Variants in TARS2 observed in about 807,000 individuals in gnomAD.
TARS2 encodes the protein threonine--tRNA ligase, mitochondrial.
TARS2 carries 61 observed loss-of-function variants against 94.4 expected under a neutral mutation model. The ratio of observed to expected loss-of-function variants is 0.65; its 90% CI spans 0.53 to 0.80. The LOEUF (loss-of-function observed/expected upper bound fraction) is 0.80, where lower values mean the gene tolerates loss of function less well. TARS2 is among the 30% of genes least tolerant of loss of function. The pLI, the probability that TARS2 is intolerant of heterozygous loss-of-function variation, is 0.00. For missense variants in TARS2, 704 were observed against 902.5 expected (o/e 0.78, Z 2.82); for synonymous variants, 359 against 353.4 (o/e 1.02, Z -0.18).
At chr1:150,502,753 A>G (rs1370671820) in intron 13 of TARS2, among the ~76,000 whole-genome samples, 1 of 152,056 alleles carries the variant, frequency 6.6e-6, no homozygotes, top group African/African-American at 2.4e-5. Flanking sequence ...TTCAGGTAAC[A>G]TGTGTATTCT....
At chr1:150,499,123 T>C (rs1010317804) in intron 12 of TARS2, 89 bp downstream of exon 12, 1 of 1,610,376 alleles carries the variant, frequency 6.2e-7, no homozygotes, top group Admixed American at 1.7e-5. Flanking sequence ...CTCAGAGGCA[T>C]CTGGTGAGTG....
chr1:150,499,689 C>T (rs1339299406), intron 13 of TARS2, among the ~76,000 whole-genome samples: 1 of 152,022 alleles, frequency 6.6e-6, no homozygotes. Flanking sequence ...TTTAAACTTA[C>T]GTAGGATATA....
chr1:150,490,436 T>TA (rs1669332659), intron 3 of TARS2, among the ~76,000 whole-genome samples, 165 bp from the exon 4 acceptor site: 1 of 152,114 alleles, frequency 6.6e-6, no homozygotes. Context: ...TTAAGCTTGT[T>TA]ACTTTTTAGT....
chr1:150,497,502 C>A, intron 9 of TARS2, 28 bp from the exon 10 acceptor site: 1 of 1,607,976 alleles, frequency 6.2e-7, no homozygotes, highest in Non-Finnish European at 8.5e-7. Flanking sequence ...GTTACTCTGA[C>A]CTTCCATGTC....
chr1:150,493,139 G>A lies in TARS2; in HGVS notation c.774+650G>A, dbSNP rs587627899. 1.9e-3 allele frequency among the ~76,000 whole-genome samples: 289 copies of A among 152,156 alleles called. 2 individuals are homozygous for A. The highest frequency in any genetic ancestry group is 6.7e-3 in the African/African-American group (280 of 41,542). ...CCTTCTCAGCCTCCCAAAGTGCTGG[G>A]ATTACAGGCATGAGCCACTGAGCCT... On this transcript the variant is annotated intron_variant, in intron 7 of 17. Transcript: ENST00000369064.
At chr1:150,503,351 AAG>A (rs1670005763) in intron 13 of TARS2, among the ~76,000 whole-genome samples, 1 of 152,018 alleles carries the variant, frequency 6.6e-6, no homozygotes, top group African/African-American at 2.4e-5. Flanking sequence ...GGGAGAGAAA[AAG>A]AGGAGTTAAA....
intron 13 of TARS2, 50 bp from the exon 14 acceptor site, chr1:150,504,285 C>A (rs1670095831): frequency 2.5e-6 from 4 of 1,582,418 alleles, no homozygotes; most frequent in Admixed American, 1.7e-5. Flanking sequence ...GATAGTGGTT[C>A]TGGATAGTGC....
chr1:150,499,129 G>A, intron 12 of TARS2, 87 bp from the exon 13 acceptor site: 2 of 1,609,776 alleles, frequency 1.2e-6, no homozygotes, highest in Non-Finnish European at 1.7e-6. Context: ...GGCATCTGGT[G>A]AGTGGGTCAT....
intron 3 of TARS2, among the ~76,000 whole-genome samples, chr1:150,489,612 C>G (rs871527): frequency 0.048 from 7,290 of 152,098 alleles, 440 homozygotes; most frequent in African/African-American, 0.13. Context: ...ACTAAAAGAC[C>G]AAACAGAGAC....
intron 16 of TARS2, 89 bp from the exon 17 acceptor site, chr1:150,505,502 T>C: frequency 6.1e-6 from 7 of 1,152,682 alleles, no homozygotes; most frequent in South Asian, 1.2e-5. Context: ...GAGGAACAGA[T>C]GGGGGCATTG....
At position 150,487,939 on chromosome 1, in the gene TARS2, T is replaced by C; in HGVS notation, c.148T>C (p.Leu50=). The C allele has an allele frequency of 1.2e-6, 2 of 1,613,938 alleles. No homozygotes were observed. Among genetic ancestry groups the C allele is most frequent in the Non-Finnish European group, 1.7e-6 (2 of 1,180,018 alleles). Residue 50 remains leucine (L), a synonymous_variant, in exon 2 of 18, where the codon TTA becomes CTA. Transcript: ENST00000369064. ...GCTGTGGGCTGCTCAGGTAAAGAGATTAGCAAGCATGGCACAGAAGGAACC... is the reference window on the plus strand; with the variant it reads ...GCTGTGGGCTGCTCAGGTAAAGAGACTAGCAAGCATGGCACAGAAGGAACC... ...EELWAAQVKR[L]ASMAQKEPRT... is the part of the protein sequence containing the mutation.
At chr1:150,502,311 T>A (rs587652833) in intron 13 of TARS2, among the ~76,000 whole-genome samples, 1 of 150,320 alleles carries the variant, frequency 6.7e-6, no homozygotes, top group Non-Finnish European at 1.5e-5. Context: ...AACCTCCACC[T>A]CCCAGGTTCA....
intron 6 of TARS2, 98 bp from the exon 7 acceptor site, chr1:150,492,313 T>C (rs750428831): frequency 7.6e-7 from 1 of 1,309,550 alleles, no homozygotes; most frequent in East Asian, 2.3e-5. Context: ...GGACAGTTCC[T>C]TTCTCTTCAC....
chr1:150,490,523 T>C (rs944674795), intron 3 of TARS2, 78 bp from the exon 4 acceptor site: 41 of 1,521,358 alleles, frequency 2.7e-5, no homozygotes, highest in Non-Finnish European at 3.0e-5. Flanking sequence ...CCTACCAGCT[T>C]TTGTGAGGAA....
chr1:150,505,944 G>A (rs1384105323), intron 17 of TARS2, among the ~76,000 whole-genome samples: 1 of 152,108 alleles, frequency 6.6e-6, no homozygotes, highest in Non-Finnish European at 1.5e-5. Context: ...CACTCTAGCT[G>A]TTGGTGTCTG....
intron 4 of TARS2, 34 bp from the exon 5 acceptor site, chr1:150,491,360 T>C (rs754600666): frequency 1.9e-6 from 3 of 1,609,768 alleles, no homozygotes; most frequent in Non-Finnish European, 2.5e-6. Context: ...ATGCACCTCA[T>C]AGGATGCAAC....
At chr1:150,499,370 G>C (rs587596308) in intron 13 of TARS2, 77 bp downstream of exon 13, 15 of 1,335,662 alleles carry the variant, frequency 1.1e-5, no homozygotes, top group Non-Finnish European at 1.4e-5. Flanking sequence ...TAGATACAAA[G>C]AATTTTTTTT....
rs772856402 is a variant in TARS2, at chr1:150,500,508, G to A, written c.1617+1215G>A. 2.7e-4 allele frequency among the ~76,000 whole-genome samples: 41 copies of A among 152,190 alleles called. 1 individual carries two copies. Among genetic ancestry groups the A allele is most frequent in the African/African-American group, 8.9e-4 (37 of 41,536 alleles). On this transcript the variant is annotated intron_variant, in intron 13 of 17. Coordinates refer to ENST00000369064, the MANE Select transcript of TARS2 (RefSeq NM_025150.5). ...CTCAGTAGCCTGAGGCAGGAGAATC[G>A]CTGAACCTGGGAAGTTGCAGTGAGC...
At chr1:150,497,112 G>A (rs1294113403) in intron 9 of TARS2, among the ~76,000 whole-genome samples, 1 of 152,118 alleles carries the variant, frequency 6.6e-6, no homozygotes, top group East Asian at 1.9e-4. Flanking sequence ...GCAAAACCCT[G>A]TCTCTACTAA....
Sources: allele counts gnomAD v4.1 joint callset (sites outside exome capture counted in the v4.1 genomes callset), GRCh38; gene constraint gnomAD v4.1.1; transcripts MANE v1.5; gene names NCBI Gene and HGNC (gene_info 2026-07-23, HGNC 2026-07-21).